The following CCDC171 variants were observed in gnomAD, a reference collection of about 807,000 sequenced individuals.
CCDC171 encodes the protein coiled-coil domain-containing protein 171.
CCDC171 carries 177 observed loss-of-function variants against 168.2 expected under a neutral mutation model. The ratio of observed to expected loss-of-function variants is 1.05; its 90% CI spans 0.93 to 1.19. The LOEUF is 1.19. Among genes scored for constraint, CCDC171 ranks in the 50% most tolerant of loss-of-function variants. The probability of loss-of-function intolerance (pLI) is 0.00; values close to 1 mark genes in which losing one functional copy is unlikely to be tolerated. For missense variants in CCDC171, 1,991 were observed against 1,539.0 expected (o/e 1.29, Z -4.91); for synonymous variants, 687 against 540.8 (o/e 1.27, Z -3.75).
intron 6 of CCDC171, among the ~76,000 whole-genome samples, chr9:16,025,115 C>T (rs1035806579): frequency 1.7e-4 from 26 of 152,162 alleles, no homozygotes; most frequent in African/African-American, 6.3e-4. Context: ...TAAGGGTATG[C>T]CCCAAATAAC....
chr9:15,865,162 C>G (rs2061722070), intron 23 of CCDC171, among the ~76,000 whole-genome samples: 1 of 152,026 alleles, frequency 6.6e-6, no homozygotes, highest in Non-Finnish European at 1.5e-5. Flanking sequence ...TAGGAAGTCA[C>G]AGGAGTTTTT....
At chr9:15,720,780 G>T (rs1335934041) in intron 11 of CCDC171, among the ~76,000 whole-genome samples, 2 of 152,126 alleles carry the variant, frequency 1.3e-5, no homozygotes, top group African/African-American at 4.8e-5. Context: ...ATGTTGGTGT[G>T]CTGCACCCAT....
intron 22 of CCDC171, among the ~76,000 whole-genome samples, chr9:15,847,260 TC>T: frequency 6.6e-6 from 1 of 152,168 alleles, no homozygotes; most frequent in South Asian, 2.1e-4. Flanking sequence ...GAGTAATATT[TC>T]CATAAAGAAA....
At chr9:15,942,948 G>C (rs544617809) in intron 25 of CCDC171, among the ~76,000 whole-genome samples, 1 of 152,056 alleles carries the variant, frequency 6.6e-6, no homozygotes, top group African/African-American at 2.4e-5. Context: ...AAGAATGTCA[G>C]CCCACCTGAG....
chr9:16,000,146 C>A (rs1832496961), intron 3 of CCDC171, among the ~76,000 whole-genome samples: 1 of 152,134 alleles, frequency 6.6e-6, no homozygotes, highest in Admixed American at 6.6e-5. Context: ...ACATTGCATG[C>A]CCTGCTCCCC....
Position 15,634,837 on chromosome 9 carries a change from A to G in CCDC171, c.822+11424A>G, listed in dbSNP as rs751415311. 4.6e-5 allele frequency among the ~76,000 whole-genome samples: 7 copies of G among 152,146 alleles called. No individual in the cohort carries two copies. The South Asian group carries it at 1.0e-3, about 23-fold the overall frequency. ...TTCCTCTCATCCCTAAGCAACCACT[A>G]CTTTCTGTCTTTATAGATTTGCCTA... On this transcript the variant is annotated intron_variant, in intron 7 of 25. Coordinates refer to ENST00000380701, the MANE Select transcript of CCDC171 (RefSeq NM_173550.4).
intron 24 of CCDC171, among the ~76,000 whole-genome samples, chr9:15,916,538 T>A (rs1297082844): frequency 6.6e-6 from 1 of 152,086 alleles, no homozygotes; most frequent in African/African-American, 2.4e-5. Context: ...GTAGGCTTTA[T>A]GATATTTTTC....
chr9:15,746,439 T>A (rs1389255442), intron 18 of CCDC171, among the ~76,000 whole-genome samples: 1 of 152,192 alleles, frequency 6.6e-6, no homozygotes, highest in East Asian at 1.9e-4. Flanking sequence ...TGGCCATCGA[T>A]GTTGGTAAGC....
At chr9:15,938,210 G>C (rs1348358844) in intron 25 of CCDC171, among the ~76,000 whole-genome samples, 1 of 151,782 alleles carries the variant, frequency 6.6e-6, no homozygotes, top group Admixed American at 6.6e-5. Context: ...ATACCATGCT[G>C]TTTGGGTCTA....
chr9:15,986,269 G>T (rs568072032), intron 3 of CCDC171, among the ~76,000 whole-genome samples: 74 of 152,300 alleles, frequency 4.9e-4, no homozygotes, highest in African/African-American at 1.7e-3. Flanking sequence ...CCTTCTCTGC[G>T]ATGTGAATAA....
intron 2 of CCDC171, among the ~76,000 whole-genome samples, chr9:15,569,037 G>A (rs190829543): frequency 7.9e-5 from 12 of 152,248 alleles, no homozygotes; most frequent in Admixed American, 2.0e-4. Context: ...AAACATATTT[G>A]TTAGTCTTTT....
At chr9:15,568,311 C>T (rs1356063098) in intron 2 of CCDC171, among the ~76,000 whole-genome samples, 3 of 142,404 alleles carry the variant, frequency 2.1e-5, no homozygotes, top group Non-Finnish European at 4.5e-5. Flanking sequence ...TGCTCTGTTG[C>T]CCAGGCTGGA....
intron 11 of CCDC171, among the ~76,000 whole-genome samples, chr9:15,699,876 C>T (rs11789538): frequency 0.49 from 74,373 of 151,322 alleles, 18,654 homozygotes; most frequent in East Asian, 0.78. Context: ...TGTGTTTACA[C>T]ACCTTGAGCT....
chr9:15,882,096 T>A (rs1009718279), intron 24 of CCDC171, among the ~76,000 whole-genome samples: 1 of 152,210 alleles, frequency 6.6e-6, no homozygotes, highest in Non-Finnish European at 1.5e-5. Flanking sequence ...ATATTTTTAC[T>A]GGCATCCATT....
chr9:15,783,522 G>C (rs914285121), intron 20 of CCDC171, among the ~76,000 whole-genome samples: 6 of 152,136 alleles, frequency 3.9e-5, no homozygotes, highest in Admixed American at 1.3e-4. Context: ...TGTATAACTT[G>C]TGTATTTAAG....
chr9:15,621,979 A>C (rs751581229), intron 6 of CCDC171, among the ~76,000 whole-genome samples: 5 of 152,232 alleles, frequency 3.3e-5, no homozygotes, highest in Non-Finnish European at 7.3e-5. Flanking sequence ...TATCCTTTGC[A>C]GGAACATGGA....
downstream of CCDC171, chr9:15,974,128 A>T (rs1831551894): frequency 6.6e-6 from 1 of 152,112 alleles, no homozygotes; most frequent in Admixed American, 6.6e-5. Flanking sequence ...AATCAAATCA[A>T]AGCATGTCAC....
chr9:15,555,769 G>T (rs1337096358), intron 1 of CCDC171, among the ~76,000 whole-genome samples: 1 of 152,066 alleles, frequency 6.6e-6, no homozygotes, highest in Non-Finnish European at 1.5e-5. Context: ...GTGCCATGTT[G>T]GTGTGCTGCA....
At chr9:16,017,860 C>T (rs920878343) in intron 3 of CCDC171, among the ~76,000 whole-genome samples, 1 of 152,150 alleles carries the variant, frequency 6.6e-6, no homozygotes, top group East Asian at 1.9e-4. Flanking sequence ...ACTTTAAGAG[C>T]AGCACCGCAG....
Sources: gnomAD v4.1 joint callset for allele counts (sites outside exome capture counted in the v4.1 genomes callset) on GRCh38, gnomAD v4.1.1 for gene constraint, MANE v1.5 for transcripts, NCBI Gene and HGNC (gene_info 2026-07-23, HGNC 2026-07-21) for gene names.